The following IGF1 variants were observed in gnomAD, a reference collection of about 807,000 sequenced individuals.
IGF1 encodes the protein insulin like growth factor 1.
IGF1 carries 4 observed loss-of-function variants against 13.8 expected under a neutral mutation model. That is an observed-to-expected ratio of 0.29 (90% CI 0.14 to 0.66). IGF1 has a LOEUF of 0.66. Ranked by LOEUF, IGF1 falls within the 30% of genes least tolerant of loss-of-function variation. IGF1 has a pLI of 0.78. For missense variants in IGF1, 124 were observed against 188.5 expected (o/e 0.66, Z 2.00); for synonymous variants, 76 against 72.6 (o/e 1.05, Z -0.23).
intron 2 of IGF1, among the ~76,000 whole-genome samples, chr12:102,425,381 C>T (rs1876109593): frequency 6.6e-6 from 1 of 152,154 alleles, no homozygotes; most frequent in African/African-American, 2.4e-5. Context: ...GTCTCACTAC[C>T]TCTCAATTGG....
At chr12:102,421,479 A>G (rs1875714600) in intron 2 of IGF1, among the ~76,000 whole-genome samples, 1 of 152,234 alleles carries the variant, frequency 6.6e-6, no homozygotes, top group Admixed American at 6.5e-5. Flanking sequence ...GTGGCTAGCC[A>G]GTAAAGCACA....
At chr12:102,433,277 T>C (rs2137057889) in intron 2 of IGF1, among the ~76,000 whole-genome samples, 1 of 152,344 alleles carries the variant, frequency 6.6e-6, no homozygotes, top group South Asian at 2.1e-4. Context: ...GTAGACGCTA[T>C]TCTCAGTACC....
At chr12:102,448,180 C>T (rs1310618413) in intron 2 of IGF1, among the ~76,000 whole-genome samples, 1 of 149,514 alleles carries the variant, frequency 6.7e-6, no homozygotes, top group Non-Finnish European at 1.5e-5. Context: ...CCAGCCATCC[C>T]ATTACTGGGT....
intron 2 of IGF1, among the ~76,000 whole-genome samples, chr12:102,449,628 C>T (rs1315981658): frequency 6.8e-6 from 1 of 147,256 alleles, no homozygotes; most frequent in Non-Finnish European, 1.5e-5. Flanking sequence ...TTCCCCATCC[C>T]GCCCCCCAAC....
chr12:102,455,570 C>T (rs1005409407), intron 2 of IGF1, among the ~76,000 whole-genome samples: 2 of 152,132 alleles, frequency 1.3e-5, no homozygotes, highest in East Asian at 3.9e-4. Flanking sequence ...GAGTTCCACA[C>T]AGAGGTCTCC....
intron 3 of IGF1, among the ~76,000 whole-genome samples, chr12:102,409,779 A>G (rs926984570): frequency 2.0e-5 from 3 of 152,132 alleles, no homozygotes; most frequent in Non-Finnish European, 4.4e-5. Flanking sequence ...TGTGGTACTC[A>G]CTCTGCAAGC....
intron 2 of IGF1, among the ~76,000 whole-genome samples, chr12:102,441,726 G>C (rs1267373014): frequency 2.0e-5 from 3 of 152,100 alleles, no homozygotes; most frequent in Non-Finnish European, 4.4e-5. Context: ...TACATATGCT[G>C]TATCATTTAC....
At chr12:102,407,131 A>AAAAAAAAAAAAAAC (rs1874233454) in intron 3 of IGF1, among the ~76,000 whole-genome samples, 1 of 134,278 alleles carries the variant, frequency 7.4e-6, no homozygotes, top group Non-Finnish European at 1.6e-5. Context: ...AAAAAAAAAA[A>AAAAAAAAAAAAAAC]AAAGATCACT....
intron 2 of IGF1, among the ~76,000 whole-genome samples, chr12:102,468,886 G>T (rs1320640269): frequency 6.6e-6 from 1 of 152,212 alleles, no homozygotes; most frequent in Middle Eastern, 3.2e-3. Context: ...CACTGTGTCT[G>T]AATCTGTGGT....
chr12:102,403,200 A>C (rs1873831709), intron 3 of IGF1, among the ~76,000 whole-genome samples: 1 of 152,158 alleles, frequency 6.6e-6, no homozygotes, highest in Non-Finnish European at 1.5e-5. Context: ...CTTCATCTAT[A>C]AACTAGGGTA....
At chr12:102,477,497 C>T (rs1881129961) in intron 1 of IGF1, among the ~76,000 whole-genome samples, 1 of 150,888 alleles carries the variant, frequency 6.6e-6, no homozygotes, top group Non-Finnish European at 1.5e-5. Context: ...TAGCCCAAAA[C>T]ACTGGGACTG....
In IGF1 at chr12:102,402,507, C is replaced by T. The variant is rs115707403; in HGVS notation, c.462G>A (p.Ter154=). 1.8e-4 allele frequency: 139 copies of T among 780,842 alleles called. No individual in the cohort carries two copies. In the African/African-American group the frequency reaches 2.2e-3, roughly 12 times the overall value. 48.4% of individuals were successfully genotyped at this position (780,842 alleles called of 1,614,324 possible). A position where few individuals can be genotyped will look rare whatever the true frequency, so the allele number is the denominator to read the frequency against. ...GSAGNKNYRM[*] The stretch of plus-strand genomic sequence containing the variant: ...CTCTTCACTCCTCAGGAGGGTCTTC[C>T]TACATCCTGTAGTTCTTGTTTCCTG... Residue 154 remains the stop codon, a stop_retained_variant, in exon 4 of 4, where the codon TAG becomes TAA. Transcript: ENST00000337514.
intron 3 of IGF1, among the ~76,000 whole-genome samples, chr12:102,407,213 A>G (rs1001065650): frequency 6.6e-6 from 1 of 151,972 alleles, no homozygotes. Context: ...TTACAAAATA[A>G]TATCACTGAA....
Position 102,397,008 on chromosome 12 carries a change from C to A in IGF1, c.*5499G>T. 2.5e-6 allele frequency: 1 copy of A among 392,784 alleles called. No individual in the cohort carries two copies. The allele number at this position is 392,784 out of a possible 1,614,324, so 24.3% of individuals were successfully genotyped here. ...ACAAGGTCAGGAGTTTGAGACCAACCTGGCCAACATGGTAAAACCCCGTCT... is the reference window on the plus strand; with the variant it reads ...ACAAGGTCAGGAGTTTGAGACCAACATGGCCAACATGGTAAAACCCCGTCT... On this transcript the variant is annotated 3_prime_UTR_variant, in exon 4 of 4. Coordinates refer to ENST00000337514, the MANE Select transcript of IGF1 (RefSeq NM_000618.5).
At chr12:102,461,183 C>T (rs1367286337) in intron 2 of IGF1, among the ~76,000 whole-genome samples, 2 of 152,222 alleles carry the variant, frequency 1.3e-5, no homozygotes, top group Non-Finnish European at 2.9e-5. Flanking sequence ...CTGGTCCTCT[C>T]TCACTTTACC....
rs942423231 is a variant in IGF1, at chr12:102,397,932, A to G, written c.*4575T>C. 6.6e-6 allele frequency: 1 copy of G among 152,364 alleles called. No homozygotes were observed. Among genetic ancestry groups the G allele is most frequent in the African/African-American group, 2.4e-5 (1 of 41,464 alleles). 9.4% of individuals were successfully genotyped at this position (152,364 alleles called of 1,614,324 possible). On this transcript the variant is annotated 3_prime_UTR_variant, in exon 4 of 4. Coordinates refer to ENST00000337514, the MANE Select transcript of IGF1 (RefSeq NM_000618.5). ...GCAAAACATTTTAAATAGTCTGATTATAGCTTCAACAAGTCAAACATACAT... is the reference window on the plus strand; with the variant it reads ...GCAAAACATTTTAAATAGTCTGATTGTAGCTTCAACAAGTCAAACATACAT...
At chr12:102,417,424 T>C in intron 3 of IGF1, 2 of 489,536 alleles carry the variant, frequency 4.1e-6, no homozygotes, top group Non-Finnish European at 5.3e-6. Context: ...TCTGAACATA[T>C]ATTGACATAG....
chr12:102,407,746 G>A (rs978356456), intron 3 of IGF1, among the ~76,000 whole-genome samples: 1 of 152,096 alleles, frequency 6.6e-6, no homozygotes, highest in African/African-American at 2.4e-5. Context: ...CTGTGCCATG[G>A]GACAGAAGAC....
At chr12:102,473,174 GTA>G in intron 2 of IGF1, among the ~76,000 whole-genome samples, 1 of 152,266 alleles carries the variant, frequency 6.6e-6, no homozygotes, top group Admixed American at 6.5e-5. Flanking sequence ...CATTGACAGG[GTA>G]TTATTCTTGG....
Sources: gnomAD v4.1 joint callset for allele counts (sites outside exome capture counted in the v4.1 genomes callset) on GRCh38, gnomAD v4.1.1 for gene constraint, MANE v1.5 for transcripts, NCBI Gene and HGNC (gene_info 2026-07-23, HGNC 2026-07-21) for gene names.